The following GRID2 variants were observed in gnomAD, a reference collection of about 807,000 sequenced individuals.
The protein encoded by GRID2 is glutamate receptor ionotropic, delta-2.
GRID2 carries 33 observed loss-of-function variants against 114.8 expected under a neutral mutation model. The observed-to-expected ratio is 0.29, with a 90% confidence interval of 0.22 to 0.38. The LOEUF (loss-of-function observed/expected upper bound fraction) is 0.38. GRID2 is among the 10% of genes least tolerant of loss of function. GRID2 has a pLI of 1.00. For missense variants in GRID2, 1,184 were observed against 1,257.7 expected (o/e 0.94, Z 0.89); for synonymous variants, 505 against 449.9 (o/e 1.12, Z -1.55).
chr4:93,627,913 C>G (rs1001870859), intron 14 of GRID2, among the ~76,000 whole-genome samples: 1 of 152,180 alleles, frequency 6.6e-6, no homozygotes, highest in African/African-American at 2.4e-5. Context: ...GTGGTTCACA[C>G]GTGTAACCTC....
intron 4 of GRID2, among the ~76,000 whole-genome samples, chr4:93,172,378 G>C (rs946934129): frequency 3.3e-5 from 5 of 152,054 alleles, no homozygotes. Context: ...AGATCACAAG[G>C]CCAGGAGTTC....
intron 2 of GRID2, among the ~76,000 whole-genome samples, chr4:92,701,579 A>G (rs1054019589): frequency 6.6e-6 from 1 of 152,200 alleles, no homozygotes; most frequent in Non-Finnish European, 1.5e-5. Flanking sequence ...TATTTGTTTT[A>G]AAAGTGTTCT....
At chr4:93,279,832 C>G (rs1752468625) in intron 8 of GRID2, among the ~76,000 whole-genome samples, 1 of 151,892 alleles carries the variant, frequency 6.6e-6, no homozygotes, top group African/African-American at 2.4e-5. Flanking sequence ...GTGATACTTT[C>G]TATCAGGATC....
intron 9 of GRID2, among the ~76,000 whole-genome samples, chr4:93,414,120 A>G (rs1180606452): frequency 6.6e-6 from 1 of 152,146 alleles, no homozygotes; most frequent in East Asian, 1.9e-4. Context: ...CCCACATCCA[A>G]TATATCAACA....
At chr4:93,435,294 C>G (rs1037154631) in intron 10 of GRID2, among the ~76,000 whole-genome samples, 1 of 152,148 alleles carries the variant, frequency 6.6e-6, no homozygotes, top group Non-Finnish European at 1.5e-5. Context: ...TCAATGGGAT[C>G]TCATTGCTCT....
At chr4:92,867,011 CCTTCAGT>C (rs1230188704) in intron 2 of GRID2, among the ~76,000 whole-genome samples, 1 of 152,012 alleles carries the variant, frequency 6.6e-6, no homozygotes, top group African/African-American at 2.4e-5. Flanking sequence ...ATCATGTCTT[CCTTCAGT>C]CTTCCTGTGG....
intron 13 of GRID2, among the ~76,000 whole-genome samples, chr4:93,589,995 T>A (rs1284014193): frequency 6.6e-6 from 1 of 150,660 alleles, no homozygotes; most frequent in African/African-American, 2.4e-5. Context: ...TTCTCCCATT[T>A]TGTAGGTTGC....
intron 1 of GRID2, among the ~76,000 whole-genome samples, chr4:92,366,394 C>G (rs1728867649): frequency 6.6e-6 from 1 of 151,894 alleles, no homozygotes; most frequent in African/African-American, 2.4e-5. Flanking sequence ...CTATTTTGTG[C>G]TCTTCAAAAA....
intron 13 of GRID2, among the ~76,000 whole-genome samples, chr4:93,597,173 A>G (rs2149631364): frequency 6.6e-6 from 1 of 152,354 alleles, no homozygotes; most frequent in Middle Eastern, 3.4e-3. Context: ...TCAATTAAAC[A>G]AACAATAACA....
At chr4:92,778,641 A>G (rs1738920345) in intron 2 of GRID2, among the ~76,000 whole-genome samples, 2 of 152,132 alleles carry the variant, frequency 1.3e-5, no homozygotes, top group African/African-American at 2.4e-5. Flanking sequence ...TAAATGTAGC[A>G]TTTCACAAAT....
intron 3 of GRID2, among the ~76,000 whole-genome samples, chr4:93,105,354 T>C (rs1367359891): frequency 6.6e-6 from 1 of 152,196 alleles, no homozygotes; most frequent in East Asian, 1.9e-4. Context: ...GCCATTGCTT[T>C]TGGTGTTTTA....
intron 8 of GRID2, among the ~76,000 whole-genome samples, chr4:93,294,902 T>G (rs919488302): frequency 2.0e-5 from 3 of 151,566 alleles, no homozygotes; most frequent in African/African-American, 7.3e-5. Context: ...CTGTTTGTGA[T>G]AACTTTCAAA....
intron 1 of GRID2, among the ~76,000 whole-genome samples, chr4:92,406,118 C>G (rs1731018203): frequency 6.6e-6 from 1 of 152,112 alleles, no homozygotes; most frequent in African/African-American, 2.4e-5. Flanking sequence ...ATGGTGCACA[C>G]CTGATTAAGG....
chr4:92,730,818 C>G (rs1190701390), intron 2 of GRID2, among the ~76,000 whole-genome samples: 3 of 151,914 alleles, frequency 2.0e-5, no homozygotes, highest in Non-Finnish European at 2.9e-5. Flanking sequence ...GAGCACAAAG[C>G]TGTTAATTCA....
Position 93,313,116 on chromosome 4 carries a change from CT to C in GRID2, c.1245+74636del, listed in dbSNP as rs113525881. 5.8e-4 allele frequency among the ~76,000 whole-genome samples: 87 copies of C among 148,764 alleles called. No individual in the cohort carries two copies. In the Middle Eastern group the frequency reaches 0.01, roughly 18 times the overall value. On this transcript the variant is annotated intron_variant, in intron 8 of 15. Transcript: ENST00000282020. ...ATATTTCTCCATCAGTTATATACCA[CT>C]TTTTTTTTTCACATAAGGCTGTTTG...
At chr4:93,805,928 C>T (rs920472241) in intron 1 of GRID2, among the ~76,000 whole-genome samples, 2 of 152,096 alleles carry the variant, frequency 1.3e-5, no homozygotes, top group African/African-American at 4.8e-5. Context: ...AAAACCCCAT[C>T]TTTACTAAAA....
intron 11 of GRID2, among the ~76,000 whole-genome samples, chr4:93,463,220 T>C (rs1723919584): frequency 1.3e-5 from 2 of 152,196 alleles, no homozygotes; most frequent in Non-Finnish European, 2.9e-5. Flanking sequence ...TGAACTTTCA[T>C]GCTGAAAGTG....
At chr4:93,741,257 A>T (rs1173040278) in intron 14 of GRID2, among the ~76,000 whole-genome samples, 2 of 145,888 alleles carry the variant, frequency 1.4e-5, no homozygotes, top group Non-Finnish European at 3.0e-5. Context: ...CAATGGACCA[A>T]GATACAGACC....
At chr4:92,985,163 G>T (rs1302192173) in intron 2 of GRID2, among the ~76,000 whole-genome samples, 2 of 150,926 alleles carry the variant, frequency 1.3e-5, no homozygotes, top group East Asian at 1.9e-4. Context: ...TATTACCGTG[G>T]TTTTTGCCAA....
Sources: gnomAD v4.1 joint callset for allele counts (sites outside exome capture counted in the v4.1 genomes callset) on GRCh38, gnomAD v4.1.1 for gene constraint, MANE v1.5 for transcripts, NCBI Gene and HGNC (gene_info 2026-07-23, HGNC 2026-07-21) for gene names.